The following RPL26L1 variants were observed in gnomAD, a reference collection of about 807,000 sequenced individuals.
The protein encoded by RPL26L1 is ribosomal protein L26 like 1, also known as ribosomal protein uL24-like.
A neutral mutation model predicts 15.2 loss-of-function variants in RPL26L1; 8 were observed. The observed-to-expected ratio is 0.53, with a 90% confidence interval of 0.31 to 0.95. The LOEUF is 0.95. Ranked by LOEUF, RPL26L1 falls within the 40% of genes least tolerant of loss-of-function variation. The pLI, the probability that RPL26L1 is intolerant of heterozygous loss-of-function variation, is 0.05. For missense variants in RPL26L1, 146 were observed against 190.9 expected, an observed-to-expected ratio of 0.76 and a Z score of 1.39; for synonymous variants, 51 against 65.9, an observed-to-expected ratio of 0.77 and a Z score of 1.09.
chr5:172,963,486 C>T (rs1434601811), intron 2 of RPL26L1, among the ~76,000 whole-genome samples: 1 of 152,178 alleles, frequency 6.6e-6, no homozygotes, highest in Non-Finnish European at 1.5e-5. Context: ...TACACTTTAA[C>T]CACACTGGGC....
At chr5:172,966,328 T>C (rs1482732269) in intron 2 of RPL26L1, among the ~76,000 whole-genome samples, 1 of 129,988 alleles carries the variant, frequency 7.7e-6, no homozygotes, top group Non-Finnish European at 1.6e-5. Context: ...TTTTTTTTTT[T>C]TTTTTTTTTT....
rs1755508289 is a variant in RPL26L1, at chr5:172,967,708, A to G, written c.169-751A>G. On this transcript the variant is annotated intron_variant, in intron 2 of 3. Coordinates refer to ENST00000265100, the MANE Select transcript of RPL26L1 (RefSeq NM_016093.4). ...GCAGCTGTTACCAATATTTATATATATATTTTATCCCACTGTGTCATGCTA... is the reference window on the plus strand; with the variant it reads ...GCAGCTGTTACCAATATTTATATATGTATTTTATCCCACTGTGTCATGCTA... Among the ~76,000 whole-genome samples, 4 of 151,912 alleles carry G rather than the reference A, an allele frequency of 2.6e-5. No individual in the cohort carries two copies. In the Middle Eastern group the frequency reaches 0.01, roughly 390 times the overall value.
At chr5:172,958,356 A>C (rs1755060917), upstream of RPL26L1, 1 of 455,898 alleles carries the variant, frequency 2.2e-6, no homozygotes, top group South Asian at 1.5e-5. Flanking sequence ...AAACTAAGAG[A>C]GAGCACGGGA....
At chr5:172,965,200 G>T (rs1337092629) in intron 2 of RPL26L1, among the ~76,000 whole-genome samples, 2 of 151,994 alleles carry the variant, frequency 1.3e-5, no homozygotes, top group Non-Finnish European at 2.9e-5. Flanking sequence ...AAAAAAGAAA[G>T]AAATATCCCT....
At chr5:172,962,908 T>TA (rs1328387487) in intron 2 of RPL26L1, among the ~76,000 whole-genome samples, 1 of 151,968 alleles carries the variant, frequency 6.6e-6, no homozygotes, top group Non-Finnish European at 1.5e-5. Flanking sequence ...ATGCCTCAGT[T>TA]AAAAATAAAA....
At chr5:172,957,051 C>A, upstream of RPL26L1, 1 of 377,224 alleles carries the variant, frequency 2.7e-6, no homozygotes, top group South Asian at 2.0e-5. Context: ...TCTCCAAAGC[C>A]AAAGAACCAG....
At chr5:172,966,983 G>A (rs1755483474) in intron 2 of RPL26L1, among the ~76,000 whole-genome samples, 1 of 151,766 alleles carries the variant, frequency 6.6e-6, no homozygotes, top group South Asian at 2.1e-4. Flanking sequence ...AGCCCCCCGA[G>A]TAGCTGGGTC....
At chr5:172,964,103 T>C (rs889794455) in intron 2 of RPL26L1, among the ~76,000 whole-genome samples, 36 of 61,118 alleles carry the variant, frequency 5.9e-4, no homozygotes, top group Non-Finnish European at 1.6e-3. Flanking sequence ...AAGGAGCTGC[T>C]GTTAAATATA....
Position 172,959,994 on chromosome 5 carries a change from A to G in RPL26L1, c.121A>G (p.Lys41Glu). The G allele has an allele frequency of 6.2e-7, 1 of 1,614,176 alleles. No individual in the cohort carries two copies. The highest frequency in any genetic ancestry group is 8.5e-7 in the Non-Finnish European group (1 of 1,180,034). The change falls in exon 2 of 4, where the codon AAG becomes GAG. Residue 41 changes from lysine (K) to glutamate (E), a missense_variant. Transcript: ENST00000265100. ...CCCGCTCTCCAAGGAGCTGCGGCAG[A>G]AGTACAATGTCCGCTCCATGCCCAT... ...SSPLSKELRQ[K>E]YNVRSMPIRK...
At chr5:172,960,161 G>A (rs1755174666) in intron 2 of RPL26L1, 120 bp downstream of exon 2, 1 of 1,206,034 alleles carries the variant, frequency 8.3e-7, no homozygotes, top group Non-Finnish European at 1.2e-6. Context: ...CTTCAGATGT[G>A]TTAGGCCAGA....
At chr5:172,965,316 TC>T (rs1278153500) in intron 2 of RPL26L1, among the ~76,000 whole-genome samples, 2 of 152,222 alleles carry the variant, frequency 1.3e-5, no homozygotes, top group African/African-American at 2.4e-5. Flanking sequence ...TTTACCGTCT[TC>T]CTCCATACTT....
At position 172,960,061 on chromosome 5, in the gene RPL26L1, T is replaced by C. The variant is rs369043871; in HGVS notation, c.168+20T>C. 4.3e-6 allele frequency: 7 copies of C among 1,613,744 alleles called. No individual in the cohort carries two copies. The African/African-American group carries it at 6.7e-5, about 15-fold the overall frequency. On this transcript the variant is annotated intron_variant, in intron 2 of 3. Coordinates refer to ENST00000265100, the MANE Select transcript of RPL26L1 (RefSeq NM_016093.4). ...GTCCAGGTACGTCTCCCTCCGGCGCTAGTGGCGCTCGGACACCGTTGCCTA... is the reference window on the plus strand; with the variant it reads ...GTCCAGGTACGTCTCCCTCCGGCGCCAGTGGCGCTCGGACACCGTTGCCTA...
rs776736837 is a variant in RPL26L1 at position 172,960,040 on chromosome 5, A to C, written c.167A>C (p.Gln56Pro). The part of the protein sequence containing the change: ...SMPIRKDDEV[Q>P]VVRGHYKGQQ... ...CCCATCCGCAAGGACGACGAGGTCC[A>C]GGTACGTCTCCCTCCGGCGCTAGTG... Residue 56 changes from glutamine (Q) to proline (P), a missense_variant and splice_region_variant, in exon 2 of 4, where the codon CAG becomes CCG. By Grantham distance (76) the Gln-to-Pro change is moderately conservative. Transcript: ENST00000265100. The C allele has an allele frequency of 2.5e-6, 4 of 1,614,004 alleles. No homozygotes were observed. The highest frequency in any genetic ancestry group is 3.3e-5 in the Admixed American group (2 of 60,004).
At chr5:172,968,405 T>A (rs475936) in intron 2 of RPL26L1, 54 bp from the exon 3 acceptor site, 1,520,364 of 1,594,872 alleles carry the variant, frequency 0.95, 724,937 homozygotes, top group East Asian at 1. Flanking sequence ...TAGCTTCCTC[T>A]TTATGATCAT....
At chr5:172,961,464 G>C (rs551152875) in intron 2 of RPL26L1, among the ~76,000 whole-genome samples, 28 of 152,266 alleles carry the variant, frequency 1.8e-4, no homozygotes, top group Non-Finnish European at 3.4e-4. Flanking sequence ...TTTTCAAAGA[G>C]AGCTGGAAAA....
intron 2 of RPL26L1, 40 bp from the exon 3 acceptor site, chr5:172,968,419 C>G (rs745609766): frequency 6.2e-7 from 1 of 1,607,068 alleles, no homozygotes; most frequent in Admixed American, 1.7e-5. Context: ...TGATCATGCA[C>G]TACAAATGGA....
upstream of RPL26L1, chr5:172,954,646 C>G (rs1430660449): frequency 1.2e-5 from 3 of 253,850 alleles, no homozygotes; most frequent in Admixed American, 4.7e-5. Context: ...GGGAGAGAGA[C>G]AGAGAACGGA....
At chr5:172,957,454 A>G (rs1274985560), upstream of RPL26L1, 2 of 354,006 alleles carry the variant, frequency 5.6e-6, no homozygotes, top group Non-Finnish European at 1.1e-5. Context: ...ACTTCTTGGG[A>G]GCACTCCTCC....
At chr5:172,963,373 CA>C (rs56687905) in intron 2 of RPL26L1, among the ~76,000 whole-genome samples, 91,243 of 140,178 alleles carry the variant, frequency 0.65, 32,381 homozygotes, top group Non-Finnish European at 0.8. Context: ...AACTCGGTCT[CA>C]AAAAAAAAAA....
Sources: allele counts gnomAD v4.1 joint callset (sites outside exome capture counted in the v4.1 genomes callset), GRCh38; gene constraint gnomAD v4.1.1; transcripts MANE v1.5; gene names NCBI Gene and HGNC (gene_info 2026-07-23, HGNC 2026-07-21).